The following ENTPD7 variants were observed in gnomAD, a reference collection of about 807,000 sequenced individuals.
ENTPD7 encodes the protein ectonucleoside triphosphate diphosphohydrolase 7.
In ENTPD7, 53 loss-of-function variants were observed where a neutral mutation model predicts 77.9. The ratio of observed to expected loss-of-function variants is 0.68; its 90% CI spans 0.55 to 0.85. The LOEUF is 0.85. Among genes scored for constraint, ENTPD7 ranks in the 40% least tolerant of loss-of-function variants. The pLI is 0.00. For synonymous variants in ENTPD7, 248 were observed against 274.9 expected (o/e 0.90, Z 0.97); for missense variants, 636 against 743.7 (o/e 0.86, Z 1.68).
rs751516229 is a variant in ENTPD7, at chr10:99,679,271, C to G, written c.202C>G (p.Arg68Gly). The G allele has an allele frequency of 6.8e-6, 11 of 1,613,894 alleles. No homozygotes were observed. Among genetic ancestry groups the G allele is most frequent in the Non-Finnish European group, 9.3e-6 (11 of 1,179,926 alleles). ...RDRQYERYLARVGELEATDTE... is the reference protein window; with the variant it reads ...RDRQYERYLAGVGELEATDTE... Reference sequence around the variant, plus strand: ...TTTTGCCTGACTTAGGTATTTGGCTCGAGTAGGGGAGCTTGAAGCTACTGA... The same window carrying G: ...TTTTGCCTGACTTAGGTATTTGGCTGGAGTAGGGGAGCTTGAAGCTACTGA... Residue 68 changes from arginine to glycine, a missense_variant, in exon 4 of 13, where the codon CGA becomes GGA. Physicochemically the swap from Arg to Gly is moderately radical, Grantham distance 125. Transcript: ENST00000370489.
intron 8 of ENTPD7, among the ~76,000 whole-genome samples, chr10:99,694,096 G>A (rs1385298288): frequency 6.6e-6 from 1 of 152,032 alleles, no homozygotes; most frequent in East Asian, 1.9e-4. Context: ...TCACAAAGTT[G>A]TGCAGCCACC....
rs1314395304 is a variant in ENTPD7 at position 99,709,461 on chromosome 10, G to A, written c.*4778G>A. The A allele has an allele frequency of 7.1e-6, 7 of 985,256 alleles. No individual in the cohort carries two copies. The highest frequency in any genetic ancestry group is 1.7e-5 in the African/African-American group (1 of 57,200). The allele number at this position is 985,256 out of a possible 1,614,324, so 61.0% of individuals were successfully genotyped here. A position where few individuals can be genotyped will look rare whatever the true frequency, so the allele number is the denominator to read the frequency against. ...AATAACTTGTGAGGATTTTCCTGGT[G>A]TTACAAAAAATATTGCTGTTAAAAA... On this transcript the variant is annotated 3_prime_UTR_variant, in exon 13 of 13. Coordinates refer to ENST00000370489, the MANE Select transcript of ENTPD7 (RefSeq NM_020354.5).
Position 99,704,351 on chromosome 10 carries a change from GGAA to G in ENTPD7, c.1584-100_1584-98del. 3 of 1,142,810 alleles carry G rather than the reference GGAA, an allele frequency of 2.6e-6. No individual in the cohort carries two copies. In the East Asian group the frequency reaches 7.2e-5, roughly 28 times the overall value. 70.8% of individuals were successfully genotyped at this position (1,142,810 alleles called of 1,614,324 possible). A position where few individuals can be genotyped will look rare whatever the true frequency, so the allele number is the denominator to read the frequency against. The stretch of plus-strand genomic sequence containing the variant: ...GGTGTCATAAAATGTTTATGTGGAT[GGAA>G]TAAATGTGATAACACTACTGGGCCT... On this transcript the variant is annotated intron_variant, in intron 12 of 12. Coordinates refer to ENST00000370489, the MANE Select transcript of ENTPD7 (RefSeq NM_020354.5).
rs777308725 is a variant in ENTPD7 at position 99,659,933 on chromosome 10, C to G, written c.-24C>G. 6.2e-7 allele frequency: 1 copy of G among 1,613,858 alleles called. No homozygotes were observed. The highest frequency in any genetic ancestry group is 1.1e-5 in the South Asian group (1 of 91,062). On this transcript the variant is annotated 5_prime_UTR_variant, in exon 2 of 13. Transcript: ENST00000370489. The surrounding 1 kb of genome is among the most constrained non-coding windows in gnomAD (Gnocchi z 4.1). Reference sequence around the variant, plus strand: ...GGCAAAAGAAAAAGAAGGTGACAGGCGTTGAGACCACCGAAGGGAACCCAT... The same window carrying G: ...GGCAAAAGAAAAAGAAGGTGACAGGGGTTGAGACCACCGAAGGGAACCCAT...
chr10:99,698,583 C>G lies in ENTPD7; in HGVS notation c.1060C>G (p.Pro354Ala), dbSNP rs1166435382. 5.0e-6 allele frequency: 8 copies of G among 1,614,016 alleles called. No homozygotes were observed. Among genetic ancestry groups the G allele is most frequent in the African/African-American group, 1.3e-5 (1 of 74,900 alleles). ...GLSPDNPFLD[P>A]CLPVGLTDVV... is the part of the protein sequence containing the mutation. ...GAGTCCCGACAATCCATTTCTGGAT[C>G]CCTGCCTGCCAGTGGGACTCACAGA... The change falls in exon 10 of 13, where the codon CCC becomes GCC. Residue 354 changes from proline to alanine, a missense_variant. Pro to Ala is a conservative substitution (Grantham distance 27). Around this residue, in one of 3 missense-constraint regions of ENTPD7, gnomAD observed 486 missense variants for 556.5 expected, o/e 0.87. Transcript: ENST00000370489.
intron 5 of ENTPD7, 40 bp from the exon 6 acceptor site, chr10:99,685,752 T>A (rs778483857): frequency 2.8e-5 from 41 of 1,472,598 alleles, no homozygotes; most frequent in Non-Finnish European, 3.6e-5. Flanking sequence ...GAGAAGAGAG[T>A]TTAGTGACTA....
Position 99,670,275 on chromosome 10 carries a change from C to T in ENTPD7, c.191+8647C>T, listed in dbSNP as rs184318824. 2.7e-4 allele frequency among the ~76,000 whole-genome samples: 41 copies of T among 152,260 alleles called. 1 individual carries two copies. In the South Asian group the frequency reaches 4.1e-3, roughly 15 times the overall value. On this transcript the variant is annotated intron_variant, in intron 3 of 12. Coordinates refer to ENST00000370489, the MANE Select transcript of ENTPD7 (RefSeq NM_020354.5). The stretch of plus-strand genomic sequence containing the variant: ...AGATTAAATGAAACAAAATTCAGTT[C>T]CTCACTTGGACTGGGCACATTTCAA...
intron 3 of ENTPD7, 128 bp downstream of exon 3, chr10:99,661,756 A>G (rs1346228961): frequency 1.2e-6 from 1 of 850,784 alleles, no homozygotes; most frequent in Non-Finnish European, 1.7e-6. Context: ...CATTTATTAC[A>G]TAAAGAAGAT....
At chr10:99,669,851 G>A (rs1402335388) in intron 3 of ENTPD7, among the ~76,000 whole-genome samples, 3 of 135,886 alleles carry the variant, frequency 2.2e-5, no homozygotes, top group Non-Finnish European at 3.1e-5. Flanking sequence ...CCGGGTTCAC[G>A]CCATTCTCCT....
At chr10:99,662,153 G>A (rs1282596433) in intron 3 of ENTPD7, among the ~76,000 whole-genome samples, 1 of 151,790 alleles carries the variant, frequency 6.6e-6, no homozygotes, top group African/African-American at 2.4e-5. Context: ...AGTTAATTGG[G>A]GTGTTCGGGC....
chr10:99,659,863 CT>C lies in ENTPD7; in HGVS notation c.-93del, dbSNP rs1289693653. ...AAGCCTGAAATCAAATCTTTCTAGGCTGCAGACGTAGGAGATGCCTGGGACA... is the reference window on the plus strand; with the variant it reads ...AAGCCTGAAATCAAATCTTTCTAGGCGCAGACGTAGGAGATGCCTGGGACA... On this transcript the variant is annotated splice_region_variant and 5_prime_UTR_variant, in exon 2 of 13. Transcript: ENST00000370489. The surrounding 1 kb of genome is among the most constrained non-coding windows in gnomAD (Gnocchi z 4.1). The C allele has an allele frequency of 6.4e-7, 1 of 1,567,206 alleles. No individual in the cohort carries two copies. The highest frequency in any genetic ancestry group is 1.4e-5 in the African/African-American group (1 of 73,800).
At chr10:99,690,580 T>A (rs1193147655) in intron 7 of ENTPD7, among the ~76,000 whole-genome samples, 1 of 151,490 alleles carries the variant, frequency 6.6e-6, no homozygotes, top group Non-Finnish European at 1.5e-5. Flanking sequence ...TCTTGCTCTG[T>A]CACCCAGGCT....
intron 2 of ENTPD7, 149 bp downstream of exon 2, chr10:99,660,113 A>G: frequency 7.7e-7 from 1 of 1,294,478 alleles, no homozygotes; most frequent in East Asian, 2.5e-5. Context: ...AGACGATCAA[A>G]GTTGTATTAT....
chr10:99,689,083 C>T (rs2035849403), intron 7 of ENTPD7, among the ~76,000 whole-genome samples: 1 of 151,940 alleles, frequency 6.6e-6, no homozygotes, highest in African/African-American at 2.4e-5. Context: ...AAGCAAACCC[C>T]AGACATGTAA....
In ENTPD7 at chr10:99,705,696, A is replaced by T. The variant is rs1449313735; in HGVS notation, c.*1013A>T. Reference sequence around the variant, plus strand: ...AATAAAATCAAAGTTCTTATTAATTATTTCTGAGAAATAGAAGTTTCTCAA... The same window carrying T: ...AATAAAATCAAAGTTCTTATTAATTTTTTCTGAGAAATAGAAGTTTCTCAA... On this transcript the variant is annotated 3_prime_UTR_variant, in exon 13 of 13. Transcript: ENST00000370489. The T allele has an allele frequency of 6.6e-6, 1 of 152,240 alleles. No individual in the cohort carries two copies. 9.4% of individuals were successfully genotyped at this position (152,240 alleles called of 1,614,324 possible).
At chr10:99,664,503 G>A (rs1362885520) in intron 3 of ENTPD7, among the ~76,000 whole-genome samples, 3 of 146,632 alleles carry the variant, frequency 2.0e-5, no homozygotes, top group African/African-American at 7.6e-5. Context: ...AGGCTGGAGT[G>A]CAGTGGCGCT....
Position 99,659,863 on chromosome 10 carries a change from C to A in ENTPD7, c.-94C>A. 6.4e-7 allele frequency: 1 copy of A among 1,567,324 alleles called. No homozygotes were observed. The highest frequency in any genetic ancestry group is 8.8e-7 in the Non-Finnish European group (1 of 1,141,818). ...AAGCCTGAAATCAAATCTTTCTAGG[C>A]TGCAGACGTAGGAGATGCCTGGGAC... On this transcript the variant is annotated splice_region_variant and 5_prime_UTR_variant, in exon 2 of 13. It adds an upstream start codon to the 5' untranslated region. Transcript: ENST00000370489. This position sits in a 1 kb window ranked among gnomAD's most constrained non-coding sequence, Gnocchi z 4.1.
In ENTPD7 at chr10:99,698,696, T is replaced by C. The variant is rs776761165; in HGVS notation, c.1173T>C (p.Ala391=). ...SCGAMLSPLL[A]RSNTSQASLN... ...GGGCAATGCTGAGCCCCCTGCTGGC[T>C]CGCTCCAACACCAGCCAGGCCTCAC... The change falls in exon 10 of 13, where the codon GCT becomes GCC. Residue 391 remains alanine (A), a synonymous_variant. Transcript: ENST00000370489. 8 of 1,614,182 alleles carry C rather than the reference T, an allele frequency of 5.0e-6. No individual in the cohort carries two copies. The South Asian group carries it at 8.8e-5, about 18-fold the overall frequency.
chr10:99,661,221 A>G (rs2035481430), intron 2 of ENTPD7, among the ~76,000 whole-genome samples: 1 of 152,162 alleles, frequency 6.6e-6, no homozygotes, highest in South Asian at 2.1e-4. Flanking sequence ...AAGTCTTTGA[A>G]TTGCACTCAA....
Sources: allele counts gnomAD v4.1 joint callset (sites outside exome capture counted in the v4.1 genomes callset), GRCh38; gene constraint gnomAD v4.1.1; regional missense constraint gnomAD v4.1.1; non-coding constraint Gnocchi (gnomAD v3.1); transcripts MANE v1.5; gene names NCBI Gene and HGNC (gene_info 2026-07-23, HGNC 2026-07-21).